DMD: variants seen among roughly 807,000 people sequenced by gnomAD.
The protein encoded by DMD is dystrophin.
In DMD, 63 loss-of-function variants were observed where a neutral mutation model predicts 330.1. That is an observed-to-expected ratio of 0.19 (90% CI 0.16 to 0.24). DMD has a LOEUF of 0.24. Ranked by LOEUF, DMD falls within the 10% of genes least tolerant of loss-of-function variation. The pLI is 1.00. For synonymous variants in DMD, 1,223 were observed against 959.8 expected, an observed-to-expected ratio of 1.27 and a Z score of -5.07; for missense variants, 3,344 against 2,684.1, an observed-to-expected ratio of 1.25 and a Z score of -5.43.
Position 32,573,582 on chromosome X carries a change from G to C in DMD, c.1760C>G (p.Thr587Arg). 8.3e-7 allele frequency: 1 copy of C among 1,211,785 alleles called. No individual in the cohort carries two copies. Among genetic ancestry groups the C allele is most frequent in the Non-Finnish European group, 1.1e-6 (1 of 895,402 alleles). Residue 587 changes from threonine (T) to arginine (R), a missense_variant, in exon 15 of 79, where the codon ACA becomes AGA. Transcript: ENST00000357033. ...EKEDAVNKIH[T>R]TGFKDQNEML... is the part of the protein sequence containing the mutation. ...TTCATTTTGATCTTTAAAGCCAGTT[G>C]TGTGAATCTTGTTCACTGCATCTTC...
At chrX:33,196,732 T>C (rs760060499) in intron 1 of DMD, among the ~76,000 whole-genome samples, 9 of 111,653 alleles carry the variant, frequency 8.1e-5, no homozygotes, top group Non-Finnish European at 1.5e-4. Flanking sequence ...TAAGTAAGCT[T>C]GTGAAGGGGC....
chrX:33,228,636 G>A (rs1487435088), intron 1 of DMD, among the ~76,000 whole-genome samples: 3 of 108,502 alleles, frequency 2.8e-5, no homozygotes, highest in African/African-American at 1.0e-4. Flanking sequence ...AAATACATTA[G>A]AAAAGATAAA....
At chrX:31,986,711 T>C (rs912333385) in intron 44 of DMD, among the ~76,000 whole-genome samples, 6 of 112,296 alleles carry the variant, frequency 5.3e-5, no homozygotes, top group Admixed American at 1.9e-4. Flanking sequence ...TGCCCAGCTG[T>C]CTTAATTTAA....
At chrX:32,411,340 A>T (rs895809933) in intron 30 of DMD, among the ~76,000 whole-genome samples, 5 of 110,763 alleles carry the variant, frequency 4.5e-5, no homozygotes, top group Non-Finnish European at 7.6e-5. Flanking sequence ...CATGTTGGCC[A>T]GGCTGGTCTT....
In DMD at chrX:32,560,195, A is replaced by AT. The variant is rs748181557; in HGVS notation, c.1992+5506_1992+5507insA. Among the ~76,000 whole-genome samples, 314 of 108,197 alleles carry AT rather than the reference A, an allele frequency of 2.9e-3. 1 individual carries two copies. The highest frequency in any genetic ancestry group is 8.2e-3 in the African/African-American group (245 of 29,781). 94.0% of individuals were successfully genotyped at this position (108,197 alleles called of 115,157 possible). On this transcript the variant is annotated intron_variant, in intron 16 of 78. Transcript: ENST00000357033. ...ACCTTTAGACTCGCTTGAAAAAAAA[A>AT]ATATATATATATATGCTTACACCAA...
chrX:32,106,336 T>C (rs1474106063), intron 44 of DMD, among the ~76,000 whole-genome samples: 2 of 111,994 alleles, frequency 1.8e-5, no homozygotes, highest in Non-Finnish European at 3.8e-5. Context: ...ATAACCATAA[T>C]TTCATAGTAG....
intron 62 of DMD, among the ~76,000 whole-genome samples, chrX:31,304,738 G>A (rs1359668689): frequency 1.8e-5 from 2 of 110,427 alleles, no homozygotes; most frequent in African/African-American, 3.3e-5. Flanking sequence ...AAACTAGCTC[G>A]ATATTGTGAA....
intron 1 of DMD, among the ~76,000 whole-genome samples, chrX:33,096,787 C>G (rs987113639): frequency 8.9e-6 from 1 of 112,046 alleles, no homozygotes; most frequent in Non-Finnish European, 1.9e-5. Flanking sequence ...ATTATAGGCG[C>G]GAGCCACCGC....
chrX:32,871,154 C>G (rs188081843), intron 2 of DMD, among the ~76,000 whole-genome samples: 2 of 107,904 alleles, frequency 1.9e-5, no homozygotes, highest in Non-Finnish European at 3.8e-5. Flanking sequence ...TTTTTTTTCT[C>G]TTAATCTTGG....
intron 43 of DMD, among the ~76,000 whole-genome samples, chrX:32,252,915 TATATAG>T (rs1281724650): frequency 2.4e-5 from 2 of 83,948 alleles, no homozygotes; most frequent in African/African-American, 9.7e-5. Context: ...TACATAAATA[TATATAG>T]ATATATAAAT....
intron 43 of DMD, among the ~76,000 whole-genome samples, chrX:32,282,714 T>C (rs2097425044): frequency 8.9e-6 from 1 of 112,231 alleles, no homozygotes; most frequent in Non-Finnish European, 1.9e-5. Context: ...TTTTACCTTA[T>C]GACATTTAAT....
intron 4 of DMD, among the ~76,000 whole-genome samples, chrX:32,844,393 C>T (rs374990174): frequency 4.7e-5 from 4 of 85,357 alleles, no homozygotes; most frequent in Admixed American, 1.5e-4. Flanking sequence ...GACAGAAGAG[C>T]GAGACTCCAT....
At chrX:31,548,952 AC>A (rs1353436952) in intron 55 of DMD, among the ~76,000 whole-genome samples, 1 of 111,225 alleles carries the variant, frequency 9.0e-6, no homozygotes, top group East Asian at 2.8e-4. Flanking sequence ...TAAAAAAAAA[AC>A]ATGTATTACT....
At chrX:31,863,247 G>A (rs1049410319) in intron 48 of DMD, among the ~76,000 whole-genome samples, 1 of 112,399 alleles carries the variant, frequency 8.9e-6, no homozygotes, top group African/African-American at 3.2e-5. Context: ...GGAGGATGAC[G>A]CAGGAGAATG....
At chrX:33,321,779 G>A (rs2054019383) in intron 1 of DMD, among the ~76,000 whole-genome samples, 1 of 111,514 alleles carries the variant, frequency 9.0e-6, no homozygotes, top group Non-Finnish European at 1.9e-5. Context: ...CTGTCATTTA[G>A]TATAACCACT....
At chrX:32,684,023 AC>A (rs2062657970) in intron 9 of DMD, among the ~76,000 whole-genome samples, 3 of 91,758 alleles carry the variant, frequency 3.3e-5, no homozygotes, top group Non-Finnish European at 6.0e-5. Flanking sequence ...ATACATACAC[AC>A]ACACACACAC....
chrX:31,585,598 C>A lies in DMD; in HGVS notation c.8217+42075G>T, dbSNP rs186846509. ...TTATCCCTTTTGCTTGCTATGAACA[C>A]AAGTTTGAACCTCAGCTCTGTTGGT... On this transcript the variant is annotated intron_variant, in intron 55 of 78. Transcript: ENST00000357033. Among the ~76,000 whole-genome samples the A allele has an allele frequency of 8.7e-3, 947 of 108,728 alleles. 7 individuals are homozygous for A. Among genetic ancestry groups the A allele is most frequent in the Non-Finnish European group, 0.013 (696 of 52,506 alleles). The allele number at this position is 108,728 out of a possible 115,157, so 94.4% of individuals were successfully genotyped here.
intron 16 of DMD, among the ~76,000 whole-genome samples, chrX:32,559,264 T>G (rs746175696): frequency 1.2e-4 from 13 of 111,448 alleles, no homozygotes; most frequent in Admixed American, 1.1e-3. Flanking sequence ...ACTTCAAATT[T>G]TTCTAATAAA....
At chrX:32,078,731 C>G (rs922486185) in intron 44 of DMD, among the ~76,000 whole-genome samples, 3 of 111,796 alleles carry the variant, frequency 2.7e-5, no homozygotes, top group African/African-American at 9.7e-5. Context: ...GGCACTTTGA[C>G]ATAAAGATTA....
Sources: allele counts gnomAD v4.1 joint callset (sites outside exome capture counted in the v4.1 genomes callset), GRCh38; gene constraint gnomAD v4.1.1; transcripts MANE v1.5; gene names NCBI Gene and HGNC (gene_info 2026-07-23, HGNC 2026-07-21).